Variants in IL18R1 observed in about 807,000 individuals in gnomAD.
IL18R1 encodes the protein interleukin 18 receptor 1.
In IL18R1, 40 loss-of-function variants were observed where a neutral mutation model predicts 48.5. The observed-to-expected ratio is 0.82, with a 90% CI of 0.64 to 1.07. The LOEUF (loss-of-function observed/expected upper bound fraction) is 1.07. Ranked by LOEUF, IL18R1 falls within the 50% of genes least tolerant of loss-of-function variation. The pLI is 0.00. For missense variants in IL18R1, 596 were observed against 633.7 expected, an observed-to-expected ratio of 0.94 and a Z score of 0.64; for synonymous variants, 232 against 225.9, an observed-to-expected ratio of 1.03 and a Z score of -0.24.
Position 102,396,585 on chromosome 2 carries a change from T to C in IL18R1, c.1325T>C (p.Val442Ala). The change falls in exon 11 of 11, where the codon GTC (valine) becomes GCC (alanine). Residue 442 changes from valine to alanine, a missense_variant. Val to Ala is a moderately conservative substitution (Grantham distance 64). Around this residue, in one of 3 missense-constraint regions of IL18R1, gnomAD observed 179 missense variants for 206.1 expected, o/e 0.87. Coordinates refer to ENST00000233957, the MANE Select transcript of IL18R1 (RefSeq NM_003855.5). Reference protein sequence around the residue: ...LIEKSRRLIIVLSKSYMSNEV... With the variant: ...LIEKSRRLIIALSKSYMSNEV... ...GAGAAAAGCCGAAGACTAATCATTG[T>C]CCTAAGTAAAAGTTATATGTCTAAT... 6.2e-7 allele frequency: 1 copy of C among 1,612,760 alleles called. No individual in the cohort carries two copies. The highest frequency in any genetic ancestry group is 8.5e-7 in the Non-Finnish European group (1 of 1,179,466).
intron 1 of IL18R1, among the ~76,000 whole-genome samples, chr2:102,360,959 T>G (rs1459378232): frequency 2.0e-5 from 3 of 152,206 alleles, no homozygotes; most frequent in African/African-American, 7.2e-5. Context: ...ATTAAAAATT[T>G]TACATACACA....
At position 102,372,005 on chromosome 2, in the gene IL18R1, T is replaced by C. The variant is rs1679293931; in HGVS notation, c.355T>C (p.Cys119Arg). 6.3e-7 allele frequency: 1 copy of C among 1,587,156 alleles called. No individual in the cohort carries two copies. The highest frequency in any genetic ancestry group is 8.6e-7 in the Non-Finnish European group (1 of 1,160,712). The change falls in exon 4 of 11, where the codon TGT becomes CGT. Residue 119 changes from cysteine to arginine, a missense_variant. Cys to Arg is a radical substitution (Grantham distance 180). Transcript: ENST00000233957. ...LNVIRRNKHS[C>R]FTERQVTSKI... ...TGTCATCAGAAGAAATAAACACAGC[T>C]GTTTCACTGAAAGACAAGTAACTAG...
At chr2:102,358,126 T>G (rs1198360036) in intron 1 of IL18R1, among the ~76,000 whole-genome samples, 1 of 152,192 alleles carries the variant, frequency 6.6e-6, no homozygotes, top group East Asian at 1.9e-4. Flanking sequence ...TGTGTCCTTG[T>G]GAATAGCTGT....
intron 3 of IL18R1, among the ~76,000 whole-genome samples, chr2:102,369,648 G>C (rs891193665): frequency 6.6e-6 from 1 of 152,202 alleles, no homozygotes; most frequent in Non-Finnish European, 1.5e-5. Context: ...TTAGTAAGCA[G>C]TATTTACTGC....
intron 2 of IL18R1, among the ~76,000 whole-genome samples, chr2:102,365,781 T>G (rs1196616527): frequency 6.6e-6 from 1 of 152,208 alleles, no homozygotes; most frequent in Non-Finnish European, 1.5e-5. Flanking sequence ...AATTCTTGAC[T>G]TTTGTGCACC....
chr2:102,370,012 T>G (rs1679159159), intron 3 of IL18R1, among the ~76,000 whole-genome samples: 1 of 152,174 alleles, frequency 6.6e-6, no homozygotes, highest in South Asian at 2.1e-4. Context: ...AAGTTCAGCT[T>G]GGTGAGCAGC....
chr2:102,362,604 G>A (rs1678641909), intron 1 of IL18R1, 29 bp from the exon 2 acceptor site: 2 of 1,475,634 alleles, frequency 1.4e-6, no homozygotes, highest in Non-Finnish European at 1.9e-6. Flanking sequence ...TGAAAGCTTT[G>A]GCTGAATCTG....
In IL18R1 at chr2:102,394,524, T is replaced by C. The variant is rs778185840; in HGVS notation, c.1167T>C (p.Asn389=). The C allele has an allele frequency of 2.5e-6, 4 of 1,613,036 alleles. No homozygotes were observed. The highest frequency in any genetic ancestry group is 2.2e-5 in the South Asian group (2 of 91,012). Residue 389 remains asparagine, a synonymous_variant, in exon 10 of 11, where the codon AAT becomes AAC. Coordinates refer to ENST00000233957, the MANE Select transcript of IL18R1 (RefSeq NM_003855.5). ...VSYLKECRPE[N]GEEHTFAVEI... The stretch of plus-strand genomic sequence containing the variant: ...ACCTAAAAGAATGCCGACCTGAAAA[T>C]GGAGAGGAGCACACCTTTGCTGTGG...
chr2:102,367,925 C>A lies in IL18R1; in HGVS notation c.159C>A (p.Thr53=), dbSNP rs777908870. The A allele has an allele frequency of 1.1e-5, 17 of 1,614,180 alleles. No homozygotes were observed. In the South Asian group the frequency reaches 1.6e-4, roughly 16 times the overall value. Residue 53 remains threonine (T), a synonymous_variant, in exon 3 of 11, where the codon ACC becomes ACA. Transcript: ENST00000233957. ...TTGCACATGAGATTGAAACAACCACCAAAAGCTGGTACAAAAGCAGTGGAT... is the reference window on the plus strand; with the variant it reads ...TTGCACATGAGATTGAAACAACCACAAAAAGCTGGTACAAAAGCAGTGGAT... ...CSLAHEIETT[T]KSWYKSSGSQ...
chr2:102,367,783 GGTTTTT>G, intron 2 of IL18R1, 36 bp from the exon 3 acceptor site: 1 of 1,558,496 alleles, frequency 6.4e-7, no homozygotes, highest in Non-Finnish European at 8.7e-7. Flanking sequence ...TTGTCATTTT[GGTTTTT>G]GTTTTTATTT....
intron 5 of IL18R1, among the ~76,000 whole-genome samples, chr2:102,377,945 A>T (rs182887371): frequency 6.6e-6 from 1 of 152,346 alleles, no homozygotes; most frequent in East Asian, 1.9e-4. Flanking sequence ...ACAGCCCAGA[A>T]CCTGGGAAAC....
intron 6 of IL18R1, among the ~76,000 whole-genome samples, chr2:102,382,901 G>T (rs1462279696): frequency 1.3e-5 from 2 of 152,106 alleles, no homozygotes; most frequent in African/African-American, 4.8e-5. Flanking sequence ...TTGACCTGAA[G>T]AGTTAGATAA....
intron 7 of IL18R1, among the ~76,000 whole-genome samples, chr2:102,385,219 G>A (rs1680161940): frequency 1.3e-5 from 2 of 152,176 alleles, no homozygotes; most frequent in Admixed American, 6.5e-5. Context: ...GAAGGTCCAT[G>A]AGAAGGCCAT....
rs143588844 is a variant in IL18R1 at position 102,381,946 on chromosome 2, T to A, written c.688+264T>A. Among the ~76,000 whole-genome samples, 21 of 152,286 alleles carry A rather than the reference T, an allele frequency of 1.4e-4. No individual in the cohort carries two copies. The East Asian group carries it at 4.1e-3, about 29-fold the overall frequency. On this transcript the variant is annotated intron_variant, in intron 6 of 10. Coordinates refer to ENST00000233957, the MANE Select transcript of IL18R1 (RefSeq NM_003855.5). ...AGGTTTTTGTTGTGCTGTGTGTGGCTTGTCTTTAACTCTCTCTATGGTCAT... is the reference window on the plus strand; with the variant it reads ...AGGTTTTTGTTGTGCTGTGTGTGGCATGTCTTTAACTCTCTCTATGGTCAT...
In IL18R1 at chr2:102,396,774, C is replaced by T. The variant is rs145995662; in HGVS notation, c.1514C>T (p.Ser505Phe). The T allele has an allele frequency of 6.2e-7, 1 of 1,614,058 alleles. No individual in the cohort carries two copies. Among genetic ancestry groups the T allele is most frequent in the South Asian group, 1.1e-5 (1 of 91,076 alleles). ...HRVLKWKADK[S>F]LSYNSRFWKN... ...GTTCTGAAGTGGAAGGCCGATAAAT[C>T]TCTTTCTTATAACTCAAGGTTCTGG... The change falls in exon 11 of 11, where the codon TCT (serine) becomes TTT (phenylalanine). Residue 505 changes from serine (S) to phenylalanine (F), a missense_variant. Transcript: ENST00000233957.
rs1024803060 is a variant in IL18R1 at position 102,359,036 on chromosome 2, C to T, written c.-29+2636C>T. ...GTGTGTGAGCATGTGTGTGTGTGTG[C>T]GTGTGTGTGCATGTGCATGTTTGCA... is the stretch of plus-strand genomic sequence containing the variant. On this transcript the variant is annotated intron_variant, in intron 1 of 10. Coordinates refer to ENST00000233957, the MANE Select transcript of IL18R1 (RefSeq NM_003855.5). 7.3e-5 allele frequency among the ~76,000 whole-genome samples: 11 copies of T among 151,440 alleles called. No individual in the cohort carries two copies. The East Asian group carries it at 9.7e-4, about 13-fold the overall frequency.
chr2:102,372,148 G>T, intron 4 of IL18R1, 30 bp downstream of exon 4: 2 of 1,520,190 alleles, frequency 1.3e-6, no homozygotes, highest in South Asian at 2.5e-5. Context: ...TTAACTTTAA[G>T]ACTTGATGGA....
In IL18R1 at chr2:102,360,206, C is replaced by T. The variant is rs117393162; in HGVS notation, c.-28-2427C>T. Among the ~76,000 whole-genome samples, 23 of 152,270 alleles carry T rather than the reference C, an allele frequency of 1.5e-4. No homozygotes were observed. In the East Asian group the frequency reaches 4.1e-3, roughly 27 times the overall value. The stretch of plus-strand genomic sequence containing the variant: ...ATGGTTTTAACAAAGAGTTTTGTGA[C>T]ACAGGAAAAATGCTCATTATGTAAT... On this transcript the variant is annotated intron_variant, in intron 1 of 10. Coordinates refer to ENST00000233957, the MANE Select transcript of IL18R1 (RefSeq NM_003855.5).
rs186244924 is a variant in IL18R1 at position 102,394,405 on chromosome 2, T to G, written c.1112-64T>G. 5 of 1,330,122 alleles carry G rather than the reference T, an allele frequency of 3.8e-6. No homozygotes were observed. In the Admixed American group the frequency reaches 1.0e-4, roughly 27 times the overall value. 82.4% of individuals were successfully genotyped at this position (1,330,122 alleles called of 1,614,324 possible). ...ATACTCATTACTTACGACATTCACT[T>G]AAGTTTGTACTTAAATAAAATTTTA... On this transcript the variant is annotated intron_variant, in intron 9 of 10. Coordinates refer to ENST00000233957, the MANE Select transcript of IL18R1 (RefSeq NM_003855.5).
Sources: allele counts gnomAD v4.1 joint callset (sites outside exome capture counted in the v4.1 genomes callset), GRCh38; gene constraint gnomAD v4.1.1; regional missense constraint gnomAD v4.1.1; transcripts MANE v1.5; gene names NCBI Gene and HGNC (gene_info 2026-07-23, HGNC 2026-07-21).